Variants in CLVS1 observed in about 807,000 individuals in gnomAD.
The protein encoded by CLVS1 is clavesin-1.
Under a neutral mutation model 33.1 loss-of-function variants are expected in CLVS1, and 10 were observed. The ratio of observed to expected loss-of-function variants is 0.30; its 90% CI spans 0.19 to 0.51. The LOEUF (loss-of-function observed/expected upper bound fraction) is 0.51. CLVS1 is among the 20% of genes least tolerant of loss of function. The probability of loss-of-function intolerance (pLI) is 0.97; values close to 1 mark genes in which losing one functional copy is unlikely to be tolerated. For missense variants in CLVS1, 343 were observed against 433.4 expected, an observed-to-expected ratio of 0.79 and a Z score of 1.85; for synonymous variants, 163 against 166.1, an observed-to-expected ratio of 0.98 and a Z score of 0.14.
the CLVS1 span, among the ~76,000 whole-genome samples, chr8:61,009,111 A>G: frequency 6.6e-6 from 1 of 152,188 alleles, no homozygotes; most frequent in Admixed American, 6.5e-5. Flanking sequence ...CCATTAGTAT[A>G]AGAGAGTATA....
At chr8:61,163,713 G>A (rs373868604) in intron 2 of CLVS1, among the ~76,000 whole-genome samples, 1 of 152,182 alleles carries the variant, frequency 6.6e-6, no homozygotes, top group African/African-American at 2.4e-5. Context: ...GTGGAACCCA[G>A]CAACTAGTGT....
chr8:61,380,938 G>T (rs981096213), intron 3 of CLVS1, among the ~76,000 whole-genome samples: 1 of 152,174 alleles, frequency 6.6e-6, no homozygotes, highest in Non-Finnish European at 1.5e-5. Context: ...AAGAGTTACA[G>T]TCTTGTGTCC....
At position 61,082,040 on chromosome 8, in the gene CLVS1, C is replaced by T. The variant is rs138630417; in HGVS notation, c.-243+24810C>T. 5.0e-4 allele frequency among the ~76,000 whole-genome samples: 76 copies of T among 152,096 alleles called. No individual in the cohort carries two copies. The East Asian group carries it at 0.013, about 25-fold the overall frequency. Reference sequence around the variant, plus strand: ...CAGTGGAAATTCAAGACAATTAATACGGTAAGGGCTCTAATTGAAAAAGTG... The same window carrying T: ...CAGTGGAAATTCAAGACAATTAATATGGTAAGGGCTCTAATTGAAAAAGTG... On this transcript the variant is annotated intron_variant, in intron 1 of 2. Transcript: ENST00000522621.
At chr8:61,082,222 A>G (rs6471915) in intron 1 of CLVS1, among the ~76,000 whole-genome samples, 73,626 of 152,012 alleles carry the variant, frequency 0.48, 20,088 homozygotes, top group African/African-American at 0.74. Context: ...CAGTGCGCTT[A>G]AAGAAATGTC....
chr8:60,976,784 T>G, the CLVS1 span, among the ~76,000 whole-genome samples: 1 of 152,250 alleles, frequency 6.6e-6, no homozygotes, highest in Admixed American at 6.5e-5. Context: ...CTGCTTGCCA[T>G]GGGGGCGGTG....
At chr8:61,400,465 A>G (rs1279978534) in intron 3 of CLVS1, among the ~76,000 whole-genome samples, 2 of 152,182 alleles carry the variant, frequency 1.3e-5, no homozygotes. Context: ...ATATAAGATT[A>G]TGTCATCTTC....
At chr8:61,452,926 C>G (rs1437384622) in intron 3 of CLVS1, among the ~76,000 whole-genome samples, 1 of 151,968 alleles carries the variant, frequency 6.6e-6, no homozygotes, top group African/African-American at 2.4e-5. Flanking sequence ...CCTGGGGATC[C>G]TGTAGACTCA....
chr8:61,265,468 T>C (rs771387050), intron 2 of CLVS1, among the ~76,000 whole-genome samples: 2 of 152,242 alleles, frequency 1.3e-5, no homozygotes, highest in Non-Finnish European at 2.9e-5. Flanking sequence ...CCTATTTCTT[T>C]GAAATTTTGT....
intron 2 of CLVS1, among the ~76,000 whole-genome samples, chr8:61,152,532 G>A (rs1239694645): frequency 3.9e-5 from 6 of 152,110 alleles, no homozygotes; most frequent in East Asian, 1.9e-4. Flanking sequence ...TTATCACCAC[G>A]TCCTCACAAG....
intron 2 of CLVS1, among the ~76,000 whole-genome samples, chr8:61,227,767 GT>G (rs1055809343): frequency 1.3e-5 from 2 of 152,200 alleles, no homozygotes; most frequent in African/African-American, 4.8e-5. Flanking sequence ...CAAAAGTTAA[GT>G]TTTTACAGTC....
intron 1 of CLVS1, among the ~76,000 whole-genome samples, chr8:61,123,666 G>A (rs1353889264): frequency 1.3e-5 from 2 of 152,194 alleles, no homozygotes; most frequent in African/African-American, 4.8e-5. Context: ...ATGCTATGCT[G>A]ATTTGGGTCA....
intron 3 of CLVS1, 26 bp from the exon 4 acceptor site, chr8:61,454,115 T>C (rs758341466): frequency 4.0e-6 from 6 of 1,492,180 alleles, no homozygotes; most frequent in Non-Finnish European, 5.6e-6. Context: ...TACTAATCGG[T>C]GTGCATTTCT....
chr8:61,084,888 A>G (rs1805091083), intron 1 of CLVS1, among the ~76,000 whole-genome samples: 1 of 152,224 alleles, frequency 6.6e-6, no homozygotes, highest in Admixed American at 6.5e-5. Context: ...TTTTCAGTTT[A>G]TTGGAATGGG....
At position 61,229,678 on chromosome 8, in the gene CLVS1, C is replaced by G. The variant is rs1585706695; in HGVS notation, c.-151-69999C>G. Among the ~76,000 whole-genome samples, 3 of 152,358 alleles carry G rather than the reference C, an allele frequency of 2.0e-5. No individual in the cohort carries two copies. The South Asian group carries it at 6.2e-4, about 32-fold the overall frequency. ...ATAGAGTCTCGCTCTGTCGCCCAGG[C>G]TGGGTGCAGTGGCGCAATCTTGGCT... is the stretch of plus-strand genomic sequence containing the variant. On this transcript the variant is annotated intron_variant, in intron 2 of 2. Coordinates refer to the CLVS1 transcript ENST00000522621.
At chr8:60,983,137 C>T in the CLVS1 span, among the ~76,000 whole-genome samples, 2 of 152,172 alleles carry the variant, frequency 1.3e-5, no homozygotes, top group African/African-American at 4.8e-5. Flanking sequence ...ATTTAAACAT[C>T]GTACAGTCTA....
intron 2 of CLVS1, among the ~76,000 whole-genome samples, chr8:61,166,962 C>A (rs1277525614): frequency 1.3e-5 from 2 of 149,628 alleles, no homozygotes; most frequent in African/African-American, 4.9e-5. Context: ...ACTGAAACAC[C>A]ATTTTTTAAA....
At chr8:61,413,881 A>C (rs1162529774) in intron 3 of CLVS1, among the ~76,000 whole-genome samples, 2 of 152,252 alleles carry the variant, frequency 1.3e-5, no homozygotes, top group Non-Finnish European at 2.9e-5. Context: ...TGGCTAATGC[A>C]CAGGTGCCTC....
chr8:61,379,748 C>G (rs186227764), intron 3 of CLVS1, among the ~76,000 whole-genome samples: 1 of 152,278 alleles, frequency 6.6e-6, no homozygotes, highest in Admixed American at 6.5e-5. Context: ...GAAGCTACTA[C>G]AGAAGAAAGT....
intron 2 of CLVS1, among the ~76,000 whole-genome samples, chr8:61,195,605 T>A (rs1285778362): frequency 6.6e-6 from 1 of 152,028 alleles, no homozygotes; most frequent in South Asian, 2.1e-4. Flanking sequence ...GACTGCCATA[T>A]CATAAAAAAA....
Sources: gnomAD v4.1 joint callset for allele counts (sites outside exome capture counted in the v4.1 genomes callset) on GRCh38, gnomAD v4.1.1 for gene constraint, MANE v1.5 for transcripts, NCBI Gene and HGNC (gene_info 2026-07-23, HGNC 2026-07-21) for gene names.